The following DNAH14 variants were observed in gnomAD, a reference collection of about 807,000 sequenced individuals.
DNAH14 encodes the protein dynein axonemal heavy chain 14, also known as axonemal beta dynein heavy chain 14.
In DNAH14, 478 loss-of-function variants were observed where a neutral mutation model predicts 520.9. The observed-to-expected ratio is 0.92, with a 90% CI of 0.85 to 0.99. The LOEUF (loss-of-function observed/expected upper bound fraction) is 0.99, where lower values mean the gene tolerates loss of function less well. Ranked by LOEUF, DNAH14 falls within the 50% of genes least tolerant of loss-of-function variation. The pLI, the probability that DNAH14 is intolerant of heterozygous loss-of-function variation, is 0.00. For missense variants in DNAH14, 4,831 were observed against 5,234.5 expected (o/e 0.92, Z 2.38); for synonymous variants, 1,581 against 1,757.2 (o/e 0.90, Z 2.51).
chr1:225,341,399 A>C (rs1427210400), intron 69 of DNAH14, among the ~76,000 whole-genome samples: 1 of 152,224 alleles, frequency 6.6e-6, no homozygotes, highest in Non-Finnish European at 1.5e-5. Flanking sequence ...AAGCAGGTGG[A>C]TCACCCGAGG....
intron 36 of DNAH14, among the ~76,000 whole-genome samples, chr1:225,172,566 G>A (rs908497431): frequency 2.0e-5 from 3 of 152,064 alleles, no homozygotes; most frequent in African/African-American, 2.4e-5. Flanking sequence ...GGGATATGAA[G>A]GACCTCTTCA....
At chr1:225,078,648 AG>A (rs1000357806) in intron 17 of DNAH14, among the ~76,000 whole-genome samples, 2 of 152,090 alleles carry the variant, frequency 1.3e-5, no homozygotes, top group Non-Finnish European at 2.9e-5. Context: ...CCACATGTTA[AG>A]GGGGGTCACT....
At chr1:225,196,549 G>A (rs777502992) in intron 38 of DNAH14, among the ~76,000 whole-genome samples, 1 of 152,100 alleles carries the variant, frequency 6.6e-6, no homozygotes, top group Non-Finnish European at 1.5e-5. Context: ...GGGATTGCTG[G>A]ATCAAATGGT....
chr1:225,318,995 T>C (rs917267073), intron 61 of DNAH14, among the ~76,000 whole-genome samples: 2 of 152,212 alleles, frequency 1.3e-5, no homozygotes, highest in African/African-American at 4.8e-5. Context: ...GATGTAAAAA[T>C]GTGCATCTTA....
chr1:224,979,663 AAG>A (rs1229460178), intron 8 of DNAH14, among the ~76,000 whole-genome samples: 2 of 152,200 alleles, frequency 1.3e-5, no homozygotes, highest in African/African-American at 4.8e-5. Context: ...TGGAAAGGCT[AAG>A]AGAGTGCTTG....
rs1166910616 is a variant in DNAH14, at chr1:225,192,931, A to C, written c.5886+20A>C. The C allele has an allele frequency of 6.6e-7, 1 of 1,511,604 alleles. No individual in the cohort carries two copies. The highest frequency in any genetic ancestry group is 9.0e-7 in the Non-Finnish European group (1 of 1,115,578). The allele number at this position is 1,511,604 out of a possible 1,614,324, so 93.6% of individuals were successfully genotyped here. A position where few individuals can be genotyped will look rare whatever the true frequency, so the allele number is the denominator to read the frequency against. On this transcript the variant is annotated intron_variant, in intron 38 of 85. Coordinates refer to ENST00000682510, the MANE Select transcript of DNAH14 (RefSeq NM_001367479.1). ...TCCAATGTAAGTTTAGTATTGAATG[A>C]ATGTTTTTATTTAACTAATGTGGAT...
intron 8 of DNAH14, among the ~76,000 whole-genome samples, chr1:224,979,224 A>G (rs967264358): frequency 1.3e-5 from 2 of 152,190 alleles, no homozygotes; most frequent in South Asian, 2.1e-4. Context: ...TGAAAGAGGC[A>G]CTGAAGAGGG....
At chr1:225,133,095 A>C (rs1227327384) in intron 27 of DNAH14, among the ~76,000 whole-genome samples, 1 of 151,710 alleles carries the variant, frequency 6.6e-6, no homozygotes, top group African/African-American at 2.4e-5. Flanking sequence ...AAATGTGTTT[A>C]AGTTCCTTGT....
Position 225,059,025 on chromosome 1 carries a change from G to A in DNAH14, c.2424+7230G>A, listed in dbSNP as rs1292381954. On this transcript the variant is annotated intron_variant, in intron 17 of 85. Coordinates refer to ENST00000682510, the MANE Select transcript of DNAH14 (RefSeq NM_001367479.1). ...CTGTTGATTTGAGGTGGAGAGTTCT[G>A]TAGATGTCTATTAGGTCCGCTTGGT... Among the ~76,000 whole-genome samples, 137 of 152,310 alleles carry A rather than the reference G, an allele frequency of 9.0e-4. 1 individual carries two copies. Among genetic ancestry groups the A allele is most frequent in the Non-Finnish European group, 8.8e-5 (6 of 68,026 alleles).
At chr1:225,229,933 A>G (rs1314527674) in intron 41 of DNAH14, among the ~76,000 whole-genome samples, 2 of 152,150 alleles carry the variant, frequency 1.3e-5, no homozygotes, top group Non-Finnish European at 1.5e-5. Flanking sequence ...AAAAATGTAT[A>G]TATTTTTTCA....
chr1:225,117,071 A>G (rs957732223), intron 23 of DNAH14, among the ~76,000 whole-genome samples: 1 of 152,134 alleles, frequency 6.6e-6, no homozygotes, highest in Non-Finnish European at 1.5e-5. Flanking sequence ...TTGAAGTTAC[A>G]AAAGAGTAAT....
intron 11 of DNAH14, among the ~76,000 whole-genome samples, chr1:225,028,233 T>G (rs1369026041): frequency 6.6e-6 from 1 of 151,998 alleles, no homozygotes; most frequent in African/African-American, 2.4e-5. Flanking sequence ...TTTAAAAGAT[T>G]CATCTGTGAA....
rs747308234 is a variant in DNAH14 at position 225,240,837 on chromosome 1, A to G, written c.6748+15A>G. ...TTCACAAGTAGGTAAGTTCTGTGGG[A>G]AAAATCATAACTATACTTATTTTAA... On this transcript the variant is annotated intron_variant, in intron 43 of 85. Transcript: ENST00000682510. 2.0e-6 allele frequency: 3 copies of G among 1,480,924 alleles called. No individual in the cohort carries two copies. The highest frequency in any genetic ancestry group is 2.5e-5 in the South Asian group (2 of 80,974). 91.7% of individuals were successfully genotyped at this position (1,480,924 alleles called of 1,614,324 possible). A position where few individuals can be genotyped will look rare whatever the true frequency, so the allele number is the denominator to read the frequency against.
chr1:225,392,303 C>T lies in DNAH14; in HGVS notation c.13343C>T (p.Ala4448Val), dbSNP rs61739997. 3,737 of 1,552,376 alleles carry T rather than the reference C, an allele frequency of 2.4e-3. 78 individuals carry two copies. In the African/African-American group the frequency reaches 0.045, roughly 19 times the overall value. Residue 4448 changes from alanine (A) to valine (V), a missense_variant, in exon 84 of 86, where the codon GCT (alanine) becomes GTT (valine). Ala to Val is a moderately conservative substitution (Grantham distance 64). Coordinates refer to ENST00000682510, the MANE Select transcript of DNAH14 (RefSeq NM_001367479.1). The stretch of plus-strand genomic sequence containing the variant: ...TTCTTCTCCAAAGCCTTTCTTGCTG[C>T]TGTGCTTCAAGACTATGGGAGGTCC... ...AFFFPQAFLA[A>V]VLQDYGRSRG...
intron 11 of DNAH14, among the ~76,000 whole-genome samples, chr1:225,029,145 A>G (rs2066351526): frequency 6.6e-6 from 1 of 152,084 alleles, no homozygotes; most frequent in African/African-American, 2.4e-5. Flanking sequence ...ATAAATCTCA[A>G]ATGTTAAGTG....
Position 225,335,381 on chromosome 1 carries a change from A to ACACGTGTGTACATGTGTGTG in DNAH14, c.10080+1875_10080+1876insCACGTGTGTACATGTGTGTG, listed in dbSNP as rs1558428188. On this transcript the variant is annotated intron_variant, in intron 66 of 85. Transcript: ENST00000682510. ...TATACACGTGTACATGTGTGTGTAT[A>ACACGTGTGTACATGTGTGTG]TGCACATATACACATGTGTACATGT... Among the ~76,000 whole-genome samples the ACACGTGTGTACATGTGTGTG allele has an allele frequency of 7.8e-4, 52 of 66,560 alleles. 7 individuals carry two copies. The highest frequency in any genetic ancestry group is 3.0e-3 in the African/African-American group (50 of 16,708). The allele number at this position is 66,560 out of a possible 152,430, so 43.7% of individuals were successfully genotyped here.
chr1:225,201,873 C>CTTTTTTTT (rs35342713), intron 38 of DNAH14, among the ~76,000 whole-genome samples: 1 of 122,548 alleles, frequency 8.2e-6, no homozygotes. Context: ...TTCTTTCTTC[C>CTTTTTTTT]TTTTTTTTTT....
At position 225,180,249 on chromosome 1, in the gene DNAH14, T is replaced by C. The variant is rs147947116; in HGVS notation, c.5536-5042T>C. ...CTCGAAGCCTAGTGACTTTTATATA[T>C]GCTCTTTTGATGCTGTTCCACAGAC... On this transcript the variant is annotated intron_variant, in intron 36 of 85. Transcript: ENST00000682510. Among the ~76,000 whole-genome samples the C allele has an allele frequency of 2.1e-3, 313 of 152,366 alleles. 1 individual carries two copies. Among genetic ancestry groups the C allele is most frequent in the African/African-American group, 7.2e-3 (299 of 41,594 alleles).
chr1:225,249,400 T>C (rs2092447569), intron 43 of DNAH14, among the ~76,000 whole-genome samples: 1 of 152,116 alleles, frequency 6.6e-6, no homozygotes, highest in African/African-American at 2.4e-5. Flanking sequence ...TCAATCCCTA[T>C]CAAGAAGGAA....
Sources: allele counts gnomAD v4.1 joint callset (sites outside exome capture counted in the v4.1 genomes callset), GRCh38; gene constraint gnomAD v4.1.1; transcripts MANE v1.5; gene names NCBI Gene and HGNC (gene_info 2026-07-23, HGNC 2026-07-21).